The following RAB10 variants were observed in gnomAD, a reference collection of about 807,000 sequenced individuals.
RAB10 encodes RAB10, member RAS oncogene family, also known as ras-related protein Rab-10.
Under a neutral mutation model 25.7 loss-of-function variants are expected in RAB10, and 5 were observed. That is an observed-to-expected ratio of 0.19 (90% CI 0.10 to 0.41). RAB10 has a LOEUF of 0.41. Ranked by LOEUF, RAB10 falls within the 10% of genes least tolerant of loss-of-function variation. The pLI, the probability that RAB10 is intolerant of heterozygous loss-of-function variation, is 1.00. For missense variants in RAB10, 103 were observed against 245.8 expected, an observed-to-expected ratio of 0.42 and a Z score of 3.89; for synonymous variants, 89 against 86.4, an observed-to-expected ratio of 1.03 and a Z score of -0.16.
At chr2:26,099,009 C>G (rs1292839017) in intron 2 of RAB10, among the ~76,000 whole-genome samples, 1 of 152,144 alleles carries the variant, frequency 6.6e-6, no homozygotes. Context: ...TGGATTGTTA[C>G]AAGGATTACA....
intron 1 of RAB10, among the ~76,000 whole-genome samples, chr2:26,070,830 AGTGGTTTTCAACAT>A (rs970294713): frequency 5.3e-5 from 8 of 152,204 alleles, no homozygotes; most frequent in Non-Finnish European, 8.8e-5. Flanking sequence ...ATTGTTTCTC[AGTGGTTTTCAACAT>A]GTGGATCCCC....
intron 1 of RAB10, among the ~76,000 whole-genome samples, chr2:26,038,994 A>G (rs920950697): frequency 6.1e-5 from 9 of 148,096 alleles, no homozygotes; most frequent in African/African-American, 2.2e-4. Context: ...TGTGAGCCAC[A>G]TATATTACTT....
intron 1 of RAB10, among the ~76,000 whole-genome samples, chr2:26,052,270 C>T (rs1666154845): frequency 6.6e-6 from 1 of 151,810 alleles, no homozygotes; most frequent in East Asian, 1.9e-4. Context: ...CCTGTAGTCC[C>T]AGCTACTTGG....
intron 1 of RAB10, among the ~76,000 whole-genome samples, chr2:26,066,019 C>T (rs1213972094): frequency 6.6e-6 from 1 of 152,152 alleles, no homozygotes; most frequent in Non-Finnish European, 1.5e-5. Flanking sequence ...TTCAGTGTTA[C>T]ATGTTTTTAA....
At chr2:26,041,031 C>A (rs1665871854) in intron 1 of RAB10, among the ~76,000 whole-genome samples, 1 of 151,256 alleles carries the variant, frequency 6.6e-6, no homozygotes, top group Non-Finnish European at 1.5e-5. Flanking sequence ...AGGCAGAAAT[C>A]TTTGTCTTTT....
chr2:26,046,841 C>T (rs1360956752), intron 1 of RAB10, among the ~76,000 whole-genome samples: 1 of 152,144 alleles, frequency 6.6e-6, no homozygotes, highest in East Asian at 1.9e-4. Flanking sequence ...GAACAAAGGA[C>T]AGTGTTGATT....
intron 1 of RAB10, among the ~76,000 whole-genome samples, chr2:26,050,421 A>G (rs1186408368): frequency 6.6e-6 from 1 of 152,032 alleles, no homozygotes; most frequent in Non-Finnish European, 1.5e-5. Context: ...CTAATTTTTT[A>G]AGTTCTTAAT....
intron 4 of RAB10, 180 bp downstream of exon 4, chr2:26,127,413 T>G (rs550076191): frequency 3.6e-6 from 2 of 560,106 alleles, no homozygotes; most frequent in South Asian, 5.2e-5. Flanking sequence ...ATTTAACATG[T>G]ATGGGAGAAT....
At chr2:26,115,999 AC>A (rs1255312927) in intron 3 of RAB10, among the ~76,000 whole-genome samples, 1 of 151,760 alleles carries the variant, frequency 6.6e-6, no homozygotes, top group East Asian at 1.9e-4. Context: ...AGCTGGGACT[AC>A]AGGTGCATGC....
At chr2:26,117,250 G>A (rs1650776622) in intron 3 of RAB10, among the ~76,000 whole-genome samples, 1 of 152,068 alleles carries the variant, frequency 6.6e-6, no homozygotes, top group Non-Finnish European at 1.5e-5. Context: ...ACAACTCTTG[G>A]GATCAGTGTT....
upstream of RAB10, among the ~76,000 whole-genome samples, chr2:26,033,888 A>G (rs944045645): frequency 6.6e-6 from 1 of 152,152 alleles, no homozygotes; most frequent in Non-Finnish European, 1.5e-5. Flanking sequence ...TCAGGCGGCC[A>G]CAGGGAGCGC....
At chr2:26,047,452 G>T (rs1395015412) in intron 1 of RAB10, among the ~76,000 whole-genome samples, 1 of 147,664 alleles carries the variant, frequency 6.8e-6, no homozygotes, top group African/African-American at 2.5e-5. Context: ...GTCTTGTTCT[G>T]TCGCCTAGGC....
rs1266528101 is a variant in RAB10 at position 26,116,561 on chromosome 2, T to TG, written c.327+6655_327+6656insG. Among the ~76,000 whole-genome samples, 183 of 132,756 alleles carry TG rather than the reference T, an allele frequency of 1.4e-3. 3 individuals carry two copies. Among genetic ancestry groups the TG allele is most frequent in the Admixed American group, 0.013 (163 of 12,942 alleles). 87.1% of individuals were successfully genotyped at this position (132,756 alleles called of 152,430 possible). ...TTTCTGTCTTGTGTTTTTTTTTTTTTTTTTTTTTTTTTTGAGACGCAGTCT... is the reference window on the plus strand; with the variant it reads ...TTTCTGTCTTGTGTTTTTTTTTTTTTGTTTTTTTTTTTTTGAGACGCAGTCT... On this transcript the variant is annotated intron_variant, in intron 3 of 5. Coordinates refer to ENST00000264710, the MANE Select transcript of RAB10 (RefSeq NM_016131.5).
At chr2:26,067,246 T>C (rs1666533470) in intron 1 of RAB10, among the ~76,000 whole-genome samples, 1 of 152,206 alleles carries the variant, frequency 6.6e-6, no homozygotes, top group African/African-American at 2.4e-5. Context: ...GATTTGCTGC[T>C]TGAAGTCATT....
intron 5 of RAB10, among the ~76,000 whole-genome samples, chr2:26,131,338 A>G (rs1255680271): frequency 6.6e-6 from 1 of 152,174 alleles, no homozygotes; most frequent in African/African-American, 2.4e-5. Context: ...AATTTGTTGT[A>G]TTGGGCTGTG....
rs34929018 is a variant in RAB10 at position 26,090,940 on chromosome 2, C to CA, written c.128-7705dup. ...AAGAGCGAGACCCTGTCTCCCCCCC[C>CA]AAAAAAAAAAAAAAAAATTCTGATA... On this transcript the variant is annotated intron_variant, in intron 1 of 5. Transcript: ENST00000264710. 8.5e-3 allele frequency among the ~76,000 whole-genome samples: 1,221 copies of CA among 143,080 alleles called. 10 individuals carry two copies. Among genetic ancestry groups the CA allele is most frequent in the African/African-American group, 0.019 (724 of 38,612 alleles). The allele number at this position is 143,080 out of a possible 152,430, so 93.9% of individuals were successfully genotyped here.
intron 3 of RAB10, among the ~76,000 whole-genome samples, chr2:26,111,288 A>G (rs1667564144): frequency 6.6e-6 from 1 of 152,150 alleles, no homozygotes; most frequent in African/African-American, 2.4e-5. Context: ...GAAGCTTATT[A>G]TTTTTTAATA....
At chr2:26,113,271 C>A (rs1259260156) in intron 3 of RAB10, among the ~76,000 whole-genome samples, 1 of 151,944 alleles carries the variant, frequency 6.6e-6, no homozygotes, top group Non-Finnish European at 1.5e-5. Context: ...ATCCAACATT[C>A]TTTTATGATT....
chr2:26,093,893 A>T (rs1171902178), intron 1 of RAB10, among the ~76,000 whole-genome samples: 1 of 152,080 alleles, frequency 6.6e-6, no homozygotes, highest in Non-Finnish European at 1.5e-5. Flanking sequence ...TGTTTTTCTC[A>T]TGTTTTTTAT....
Sources: allele counts gnomAD v4.1 joint callset (sites outside exome capture counted in the v4.1 genomes callset), GRCh38; gene constraint gnomAD v4.1.1; transcripts MANE v1.5; gene names NCBI Gene and HGNC (gene_info 2026-07-23, HGNC 2026-07-21).